The following MID1 variants were observed in gnomAD, a reference collection of about 807,000 sequenced individuals.
MID1 encodes the protein E3 ubiquitin-protein ligase Midline-1.
A neutral mutation model predicts 40.4 loss-of-function variants in MID1; 7 were observed. The observed-to-expected ratio is 0.17, with a 90% CI of 0.10 to 0.33. The LOEUF is 0.33. Ranked by LOEUF, MID1 falls within the 10% of genes least tolerant of loss-of-function variation. The probability of loss-of-function intolerance (pLI) is 1.00; values close to 1 mark genes in which losing one functional copy is unlikely to be tolerated. For missense variants in MID1, 367 were observed against 558.5 expected (o/e 0.66, Z 3.46); for synonymous variants, 229 against 221.2 (o/e 1.04, Z -0.31).
rs769037801 is a variant in MID1, at chrX:10,612,647, G to A, written c.-57+7643C>T. Among the ~76,000 whole-genome samples the A allele has an allele frequency of 2.7e-5, 3 of 112,293 alleles. No individual in the cohort carries two copies. In the South Asian group the frequency reaches 1.1e-3, roughly 41 times the overall value. ...GATCATTTAACTATTTGGATTTTTT[G>A]GACAGTATTTTCCACTAAAGATGAT... is the stretch of plus-strand genomic sequence containing the variant. On this transcript the variant is annotated intron_variant, in intron 1 of 9. Coordinates refer to ENST00000317552, the MANE Select transcript of MID1 (RefSeq NM_000381.4).
At chrX:10,829,269 TCAGG>T (rs1334644666) in intron 1 of MID1, among the ~76,000 whole-genome samples, 1 of 112,128 alleles carries the variant, frequency 8.9e-6, no homozygotes, top group Non-Finnish European at 1.9e-5. Context: ...CTTTTCTGGC[TCAGG>T]CTCTTTGACC....
chrX:10,515,233 A>G (rs1326409323), intron 3 of MID1, among the ~76,000 whole-genome samples: 2 of 112,455 alleles, frequency 1.8e-5, no homozygotes, highest in Admixed American at 1.9e-4. Flanking sequence ...AAAGTTTACA[A>G]ATGAATGCTT....
chrX:10,653,685 T>A (rs1284957678), intron 1 of MID1, among the ~76,000 whole-genome samples: 1 of 112,987 alleles, frequency 8.9e-6, no homozygotes, highest in Non-Finnish European at 1.9e-5. Flanking sequence ...AAAAATCCCC[T>A]CAAATTTGAA....
upstream of MID1, among the ~76,000 whole-genome samples, chrX:10,623,247 A>G (rs1055337208): frequency 3.0e-4 from 32 of 105,127 alleles, no homozygotes; most frequent in African/African-American, 1.1e-3. Context: ...AAGACCCCGA[A>G]AAAAAAGAAA....
At chrX:10,715,279 G>A (rs1295494681) in intron 1 of MID1, among the ~76,000 whole-genome samples, 1 of 112,312 alleles carries the variant, frequency 8.9e-6, no homozygotes, top group African/African-American at 3.2e-5. Flanking sequence ...AAGGGGTTGG[G>A]GAATTCCCTT....
At chrX:10,700,027 G>T (rs1015054260) in intron 1 of MID1, among the ~76,000 whole-genome samples, 1 of 109,844 alleles carries the variant, frequency 9.1e-6, no homozygotes, top group African/African-American at 3.3e-5. Flanking sequence ...TCTCCATGTT[G>T]GTCAGGCTGG....
intron 2 of MID1, among the ~76,000 whole-genome samples, chrX:10,566,532 C>CCTCTCTCTCTCCCTCTCTCTCTCTCT (rs1934551088): frequency 1.3e-3 from 69 of 52,845 alleles, no homozygotes; most frequent in African/African-American, 3.7e-3. Flanking sequence ...CCTCTCTCTC[C>CCTCTCTCTCTCCCTCTCTCTCTCTCT]CTCTCTCTCT....
intron 1 of MID1, among the ~76,000 whole-genome samples, chrX:10,654,727 A>G (rs1569139030): frequency 1.8e-5 from 2 of 111,802 alleles, no homozygotes; most frequent in African/African-American, 6.5e-5. Context: ...GATTTATGGG[A>G]CTCCCACACA....
intron 1 of MID1, among the ~76,000 whole-genome samples, chrX:10,715,280 G>A (rs181974014): frequency 0.022 from 2,511 of 112,307 alleles, 72 homozygotes; most frequent in African/African-American, 0.077. Context: ...AGGGGTTGGG[G>A]AATTCCCTTT....
chrX:10,541,383 T>C (rs777548081), intron 2 of MID1, among the ~76,000 whole-genome samples: 3 of 106,929 alleles, frequency 2.8e-5, no homozygotes, highest in East Asian at 6.4e-4. Context: ...TGACTACAAC[T>C]TCTCCATATC....
At chrX:10,583,924 G>A (rs1935076009) in intron 1 of MID1, among the ~76,000 whole-genome samples, 2 of 110,274 alleles carry the variant, frequency 1.8e-5, no homozygotes, top group African/African-American at 6.6e-5. Flanking sequence ...CCAGCTACTC[G>A]GGAGGCTGAG....
chrX:10,796,370 G>T (rs1001123192), intron 1 of MID1, among the ~76,000 whole-genome samples: 2 of 106,301 alleles, frequency 1.9e-5, no homozygotes, highest in African/African-American at 3.5e-5. Context: ...GACATGAATG[G>T]CATAATTTTT....
chrX:10,797,392 C>T (rs1010231015), intron 1 of MID1, among the ~76,000 whole-genome samples: 1 of 111,657 alleles, frequency 9.0e-6, no homozygotes, highest in East Asian at 2.8e-4. Flanking sequence ...ATATCACCTC[C>T]GTTTGCATAA....
chrX:10,515,421 C>T (rs963528163), intron 3 of MID1, among the ~76,000 whole-genome samples: 5 of 112,010 alleles, frequency 4.5e-5, no homozygotes, highest in Non-Finnish European at 9.4e-5. Context: ...TTAATTCCTC[C>T]ACAAGAACCT....
At chrX:10,816,158 T>C (rs2044134761) in intron 1 of MID1, among the ~76,000 whole-genome samples, 1 of 111,962 alleles carries the variant, frequency 8.9e-6, no homozygotes, top group African/African-American at 3.2e-5. Context: ...GAAAAGTAAG[T>C]CATAGTTTTT....
chrX:10,559,883 T>G (rs1374603132), intron 2 of MID1, among the ~76,000 whole-genome samples: 4 of 83,879 alleles, frequency 4.8e-5, no homozygotes, highest in Non-Finnish European at 6.4e-5. Context: ...TCATTGTGGG[T>G]TTTTTTTTTT....
intron 2 of MID1, among the ~76,000 whole-genome samples, chrX:10,550,426 G>A (rs908325683): frequency 1.8e-5 from 2 of 112,144 alleles, no homozygotes; most frequent in Non-Finnish European, 3.8e-5. Flanking sequence ...TGGCATGTGC[G>A]GGCCCAGACT....
At chrX:10,614,351 G>A (rs1935804515) in intron 1 of MID1, among the ~76,000 whole-genome samples, 1 of 111,910 alleles carries the variant, frequency 8.9e-6, no homozygotes, top group Non-Finnish European at 1.9e-5. Flanking sequence ...GTTCAGGCAG[G>A]TTGCTGAGAA....
intron 1 of MID1, among the ~76,000 whole-genome samples, chrX:10,818,933 A>C (rs1027990116): frequency 8.9e-6 from 1 of 111,866 alleles, no homozygotes; most frequent in Non-Finnish European, 1.9e-5. Flanking sequence ...TCAAAAGTTT[A>C]TCCTCCTAAC....
Sources: allele counts gnomAD v4.1 joint callset (sites outside exome capture counted in the v4.1 genomes callset), GRCh38; gene constraint gnomAD v4.1.1; transcripts MANE v1.5; gene names NCBI Gene and HGNC (gene_info 2026-07-23, HGNC 2026-07-21).